OGG1: variants seen among roughly 807,000 people sequenced by gnomAD.
The protein encoded by OGG1 is 8-oxoguanine DNA glycosylase.
A neutral mutation model predicts 42.3 loss-of-function variants in OGG1; 35 were observed. That is an observed-to-expected ratio of 0.83 (90% CI 0.63 to 1.10). The LOEUF (loss-of-function observed/expected upper bound fraction) is 1.10, where lower values mean the gene tolerates loss of function less well. Ranked by LOEUF, OGG1 falls within the 50% of genes least tolerant of loss-of-function variation. The pLI is 0.00. For synonymous variants in OGG1, 189 were observed against 179.0 expected (o/e 1.06, Z -0.44); for missense variants, 484 against 446.7 (o/e 1.08, Z -0.75).
At chr3:9,756,840 C>G in intron 6 of OGG1, 24 bp downstream of exon 6, 5 of 1,613,232 alleles carry the variant, frequency 3.1e-6, no homozygotes, top group Non-Finnish European at 4.2e-6. Context: ...GGTGTCCTCC[C>G]TAGGTTTCCT....
At chr3:9,777,795 T>C (rs1213570048) in intron 2 of OGG1, among the ~76,000 whole-genome samples, 1 of 152,164 alleles carries the variant, frequency 6.6e-6, no homozygotes, top group African/African-American at 2.4e-5. Flanking sequence ...TTCTTGGAAC[T>C]CTCTACCAAC....
At chr3:9,767,521 A>G (rs549800350), downstream of OGG1, 27 of 970,998 alleles carry the variant, frequency 2.8e-5, no homozygotes, top group East Asian at 6.6e-4. Flanking sequence ...TCCAGAAGTG[A>G]AAAGCTGGGG....
At chr3:9,779,561 C>T (rs774712751) in intron 2 of OGG1, among the ~76,000 whole-genome samples, 3 of 151,852 alleles carry the variant, frequency 2.0e-5, no homozygotes, top group Admixed American at 6.6e-5. Flanking sequence ...ATGTAAATGA[C>T]GAGTTAATGG....
chr3:9,785,168 C>A, intron 3 of OGG1: 2 of 595,606 alleles, frequency 3.4e-6, no homozygotes, highest in Admixed American at 2.9e-5. Context: ...TGCAGACACG[C>A]TGGGTCATCA....
At chr3:9,787,753 T>C (rs1161638066) in exon 4 of OGG1, 1 of 1,265,018 alleles carries the variant, frequency 7.9e-7, no homozygotes, top group Non-Finnish European at 1.0e-6. Flanking sequence ...ATCAGATAAG[T>C]GAAGTGAAAG....
intron 7 of OGG1, among the ~76,000 whole-genome samples, chr3:9,762,694 C>T (rs2077941689): frequency 6.6e-6 from 1 of 151,708 alleles, no homozygotes; most frequent in Admixed American, 6.6e-5. Context: ...CAGAAAAAGA[C>T]AAAATGTTGT....
chr3:9,752,186 T>C (rs192541469), intron 3 of OGG1: 155 of 582,236 alleles, frequency 2.7e-4, no homozygotes, highest in Middle Eastern at 9.3e-4. Flanking sequence ...CAGAAAAATA[T>C]CTGTATACAA....
At chr3:9,774,680 CA>C (rs1251202310) in intron 2 of OGG1, among the ~76,000 whole-genome samples, 1 of 151,902 alleles carries the variant, frequency 6.6e-6, no homozygotes, top group African/African-American at 2.4e-5. Context: ...ACTAGTGATA[CA>C]AAAAAGTACA....
chr3:9,755,014 G>A, intron 4 of OGG1, 129 bp downstream of exon 4: 1 of 751,514 alleles, frequency 1.3e-6, no homozygotes, highest in Non-Finnish European at 2.3e-6. Flanking sequence ...AAGGATATAA[G>A]TAGATGTTTT....
chr3:9,766,729 G>C (rs2078164796), exon 8 of OGG1: 2 of 725,518 alleles, frequency 2.8e-6, no homozygotes, highest in Non-Finnish European at 3.4e-6. Flanking sequence ...GAAGTCATAA[G>C]TCAAAGAAAA....
chr3:9,750,366 C>G lies in OGG1; in HGVS notation c.80C>G (p.Pro27Arg), dbSNP rs751154870. The change falls in exon 1 of 7, where the codon CCG becomes CGG. Residue 27 changes from proline (P) to arginine (R), a missense_variant. Physicochemically the swap from Pro to Arg is moderately radical, Grantham distance 103. Transcript: ENST00000344629. ...ASTPALWASI[P>R]CPRSELRLDL... ...ACTCCTGCCCTGTGGGCCTCCATCC[C>G]GTGCCCTCGCTCTGAGCTGCGCCTG... 2 of 1,614,054 alleles carry G rather than the reference C, an allele frequency of 1.2e-6. No individual in the cohort carries two copies. Among genetic ancestry groups the G allele is most frequent in the African/African-American group, 1.3e-5 (1 of 75,052 alleles).
At position 9,751,817 on chromosome 3, in the gene OGG1, ATCTGTTCC is replaced by A; in HGVS notation, c.436_443del (p.Cys146GlnfsTer26). ...CCCCATCGAATGCCTTTTCTCTTTT[ATCTGTTCC>A]TCCAACAACAACATCGCCCGCATCA... On this transcript the variant is annotated frameshift_variant, in exon 3 of 7. Coordinates refer to ENST00000344629, the MANE Select transcript of OGG1 (RefSeq NM_002542.6). LOFTEE classifies it high-confidence loss of function. 1 of 1,614,090 alleles carries A rather than the reference ATCTGTTCC, an allele frequency of 6.2e-7. No individual in the cohort carries two copies.
At chr3:9,751,275 G>A in intron 2 of OGG1, 83 bp downstream of exon 2, 1 of 1,415,336 alleles carries the variant, frequency 7.1e-7, no homozygotes, top group Non-Finnish European at 9.8e-7. Flanking sequence ...CTGTAAAATG[G>A]GGATTATATC....
At chr3:9,759,637 T>C, downstream of OGG1, 1 of 1,613,964 alleles carries the variant, frequency 6.2e-7, no homozygotes, top group South Asian at 1.1e-5. Flanking sequence ...GGGCCCCAAA[T>C]CCCGCCCCAG....
downstream of OGG1, among the ~76,000 whole-genome samples, chr3:9,788,436 G>T (rs58380045): frequency 6.6e-6 from 1 of 151,630 alleles, no homozygotes; most frequent in Non-Finnish European, 1.5e-5. Context: ...TAGTAGAGAC[G>T]GGGTTTCACC....
intron 3 of OGG1, among the ~76,000 whole-genome samples, chr3:9,754,165 G>A (rs2077433324): frequency 6.6e-6 from 1 of 152,156 alleles, no homozygotes; most frequent in African/African-American, 2.4e-5. Context: ...ACAGGTCTTG[G>A]TGTCCCAGAC....
intron 4 of OGG1, among the ~76,000 whole-genome samples, chr3:9,756,191 C>T (rs994510622): frequency 1.3e-5 from 2 of 152,206 alleles, no homozygotes; most frequent in African/African-American, 2.4e-5. Context: ...GTGGCACATG[C>T]CTGTAATCCC....
intron 3 of OGG1, among the ~76,000 whole-genome samples, chr3:9,754,465 T>C (rs2077444832): frequency 6.6e-6 from 1 of 152,200 alleles, no homozygotes; most frequent in African/African-American, 2.4e-5. Context: ...GTCCCTGGAC[T>C]AGACTTGGGC....
rs969301274 is a variant in OGG1, at chr3:9,751,056, C to T, written c.249C>T (p.Ser83=). The T allele has an allele frequency of 1.9e-5, 30 of 1,613,774 alleles. No homozygotes were observed. The highest frequency in any genetic ancestry group is 2.5e-5 in the Non-Finnish European group (30 of 1,179,828). The change falls in exon 2 of 7, where the codon AGC becomes AGT. Residue 83 remains serine, a synonymous_variant. Coordinates refer to ENST00000344629, the MANE Select transcript of OGG1 (RefSeq NM_002542.6). The part of the protein sequence containing the change: ...LHCTVYRGDK[S]QASRPTPDEL... ...GCACTGTGTACCGAGGAGACAAGAG[C>T]CAGGCTAGCAGGCCCACACCAGACG...
Sources: gnomAD v4.1 joint callset for allele counts (sites outside exome capture counted in the v4.1 genomes callset) on GRCh38, gnomAD v4.1.1 for gene constraint, MANE v1.5 for transcripts, NCBI Gene and HGNC (gene_info 2026-07-23, HGNC 2026-07-21) for gene names.